SNTG1: variants seen among roughly 807,000 people sequenced by gnomAD.
SNTG1 encodes syntrophin gamma 1, also known as gamma-1-syntrophin.
SNTG1 carries 39 observed loss-of-function variants against 74.7 expected under a neutral mutation model. That is an observed-to-expected ratio of 0.52 (90% CI 0.40 to 0.68). The LOEUF is 0.68. SNTG1 is among the 30% of genes least tolerant of loss of function. The probability of loss-of-function intolerance (pLI) is 0.00; values close to 1 mark genes in which losing one functional copy is unlikely to be tolerated. For missense variants in SNTG1, 685 were observed against 609.5 expected (o/e 1.12, Z -1.30); for synonymous variants, 254 against 217.1 (o/e 1.17, Z -1.49).
chr8:50,393,538 A>G (rs1376062536), intron 2 of SNTG1, among the ~76,000 whole-genome samples: 2 of 152,308 alleles, frequency 1.3e-5, no homozygotes, highest in South Asian at 2.1e-4. Context: ...GGTTAGGTGT[A>G]TCACGTAATG....
chr8:50,658,699 T>G lies in SNTG1; in HGVS notation c.1038+36T>G, dbSNP rs202129883. ...TATGTAGTCAGTATTTGAATGGCTT[T>G]TCCTCAGCAAATAGTGCCTCTGGGC... On this transcript the variant is annotated intron_variant, in intron 15 of 18. Coordinates refer to ENST00000642720, the MANE Select transcript of SNTG1 (RefSeq NM_018967.5). The G allele has an allele frequency of 3.2e-4, 461 of 1,461,336 alleles. 2 individuals are homozygous for G. Among genetic ancestry groups the G allele is most frequent in the Non-Finnish European group, 4.0e-4 (425 of 1,053,146 alleles). 90.5% of individuals were successfully genotyped at this position (1,461,336 alleles called of 1,614,324 possible).
intron 8 of SNTG1, among the ~76,000 whole-genome samples, chr8:50,466,876 C>A (rs2093612557): frequency 6.6e-6 from 1 of 151,892 alleles, no homozygotes; most frequent in Admixed American, 6.6e-5. Flanking sequence ...TATTAAATGT[C>A]TATCCTTCTA....
intron 13 of SNTG1, among the ~76,000 whole-genome samples, chr8:50,611,350 A>G (rs1408595512): frequency 6.6e-6 from 1 of 152,186 alleles, no homozygotes; most frequent in African/African-American, 2.4e-5. Context: ...TGAGCTGCAT[A>G]AAAGTGAGAA....
chr8:50,380,204 T>C (rs2092458040), intron 2 of SNTG1, among the ~76,000 whole-genome samples: 2 of 152,258 alleles, frequency 1.3e-5, no homozygotes, highest in Non-Finnish European at 2.9e-5. Flanking sequence ...AAGGTACATA[T>C]TGTTAAATGA....
intron 2 of SNTG1, among the ~76,000 whole-genome samples, chr8:50,258,539 G>A (rs1343162621): frequency 6.6e-6 from 1 of 151,514 alleles, no homozygotes; most frequent in Non-Finnish European, 1.5e-5. Flanking sequence ...ATTAAAAGAT[G>A]GTATGATGAT....
intron 11 of SNTG1, among the ~76,000 whole-genome samples, chr8:50,547,405 A>G (rs1483644): frequency 0.22 from 33,145 of 152,052 alleles, 4,699 homozygotes; most frequent in African/African-American, 0.4. Context: ...TAGGGGATTA[A>G]AAAAGAAACT....
chr8:50,027,018 C>T (rs1817324402), intron 1 of SNTG1, among the ~76,000 whole-genome samples: 1 of 152,032 alleles, frequency 6.6e-6, no homozygotes, highest in South Asian at 2.1e-4. Flanking sequence ...TTGCTATGTC[C>T]TTCCTTCTAG....
intron 2 of SNTG1, among the ~76,000 whole-genome samples, chr8:50,324,332 T>C (rs1479927150): frequency 6.6e-6 from 1 of 152,244 alleles, no homozygotes; most frequent in Non-Finnish European, 1.5e-5. Context: ...GTGCATGGCA[T>C]TGGCAATTTA....
rs565423926 is a variant in SNTG1, at chr8:50,175,987, T to C, written c.-28+3352T>C. 2.2e-4 allele frequency among the ~76,000 whole-genome samples: 34 copies of C among 152,328 alleles called. No individual in the cohort carries two copies. The East Asian group carries it at 5.6e-3, about 25-fold the overall frequency. On this transcript the variant is annotated intron_variant, in intron 2 of 18. Transcript: ENST00000642720. ...CTGAGAGCCTGGGTGTCCTCAGCTG[T>C]CACAACTGGGTACCTGCCCCTTTGT...
intron 2 of SNTG1, among the ~76,000 whole-genome samples, chr8:50,320,651 G>A (rs2090492239): frequency 6.6e-6 from 1 of 151,720 alleles, no homozygotes; most frequent in Admixed American, 6.6e-5. Context: ...GGCACTTGTA[G>A]CTATAAATTT....
intron 1 of SNTG1, among the ~76,000 whole-genome samples, chr8:50,089,480 T>C (rs1381482604): frequency 6.6e-6 from 1 of 151,510 alleles, no homozygotes; most frequent in Non-Finnish European, 1.5e-5. Context: ...ACCTACAAAA[T>C]GGGAGAAAAT....
At chr8:50,523,521 T>C (rs1459589822) in intron 9 of SNTG1, among the ~76,000 whole-genome samples, 3 of 152,198 alleles carry the variant, frequency 2.0e-5, no homozygotes, top group Non-Finnish European at 2.9e-5. Flanking sequence ...TATTATTGTG[T>C]CTTAGGGAAT....
chr8:50,630,273 G>A lies in SNTG1; in HGVS notation c.850-26636G>A, dbSNP rs1414413209. Among the ~76,000 whole-genome samples, 3 of 152,106 alleles carry A rather than the reference G, an allele frequency of 2.0e-5. No individual in the cohort carries two copies. In the East Asian group the frequency reaches 5.8e-4, roughly 29 times the overall value. ...TACTCTGCTTTCAAAGAGAGAAAGAGAAAGAAAGAGAGAAAAAGGTAGGCT... is the reference window on the plus strand; with the variant it reads ...TACTCTGCTTTCAAAGAGAGAAAGAAAAAGAAAGAGAGAAAAAGGTAGGCT... On this transcript the variant is annotated intron_variant, in intron 13 of 18. Transcript: ENST00000642720.
intron 2 of SNTG1, among the ~76,000 whole-genome samples, chr8:50,179,981 T>A (rs1314456585): frequency 1.3e-5 from 2 of 152,240 alleles, no homozygotes; most frequent in African/African-American, 2.4e-5. Context: ...TCTGCATTTG[T>A]CTTTTCTTTG....
intron 8 of SNTG1, among the ~76,000 whole-genome samples, chr8:50,479,078 G>C (rs990264976): frequency 3.9e-5 from 6 of 152,258 alleles, no homozygotes; most frequent in African/African-American, 1.4e-4. Flanking sequence ...AATGCGGAGA[G>C]ATTAAATCAA....
At chr8:50,650,415 C>T (rs2095137717) in intron 13 of SNTG1, among the ~76,000 whole-genome samples, 1 of 152,006 alleles carries the variant, frequency 6.6e-6, no homozygotes, top group Non-Finnish European at 1.5e-5. Context: ...TAGATTCATT[C>T]ACATTGTTCA....
chr8:50,068,339 C>A (rs1288524479), intron 1 of SNTG1, among the ~76,000 whole-genome samples: 1 of 152,130 alleles, frequency 6.6e-6, no homozygotes, highest in East Asian at 1.9e-4. Flanking sequence ...TTCTTGCCAC[C>A]GGACTTGTAC....
chr8:50,725,263 T>A (rs1262222136), intron 17 of SNTG1, among the ~76,000 whole-genome samples: 5 of 152,184 alleles, frequency 3.3e-5, no homozygotes, highest in Non-Finnish European at 5.9e-5. Flanking sequence ...ATGCAATCAG[T>A]TATTCCCATG....
intron 2 of SNTG1, among the ~76,000 whole-genome samples, chr8:50,374,346 T>A (rs987596807): frequency 1.3e-5 from 2 of 152,250 alleles, no homozygotes; most frequent in Non-Finnish European, 2.9e-5. Flanking sequence ...GCATAATAAC[T>A]AAGTAAATTC....
Sources: gnomAD v4.1 joint callset for allele counts (sites outside exome capture counted in the v4.1 genomes callset) on GRCh38, gnomAD v4.1.1 for gene constraint, MANE v1.5 for transcripts, NCBI Gene and HGNC (gene_info 2026-07-23, HGNC 2026-07-21) for gene names.